Variants in NID1 observed in about 807,000 individuals in gnomAD.
NID1 encodes nidogen 1.
Under a neutral mutation model 130.6 loss-of-function variants are expected in NID1, and 76 were observed. The observed-to-expected ratio is 0.58, with a 90% CI of 0.48 to 0.70. The LOEUF (loss-of-function observed/expected upper bound fraction) is 0.70, where lower values mean the gene tolerates loss of function less well. Ranked by LOEUF, NID1 falls within the 30% of genes least tolerant of loss-of-function variation. The pLI is 0.00. For missense variants in NID1, 1,517 were observed against 1,664.8 expected, an observed-to-expected ratio of 0.91 and a Z score of 1.54; for synonymous variants, 665 against 675.1, an observed-to-expected ratio of 0.98 and a Z score of 0.23.
In NID1 at chr1:235,994,021, C is replaced by T. The variant is rs913220730; in HGVS notation, c.2528-149G>A. On this transcript the variant is annotated intron_variant, in intron 12 of 19. Transcript: ENST00000264187. The stretch of plus-strand genomic sequence containing the variant: ...TTTGTTTCATCAGTTATTCAAAATG[C>T]AGAAACATCATTATTATTGAATAGG... The T allele has an allele frequency of 7.3e-5, 47 of 642,272 alleles. No homozygotes were observed. In the East Asian group the frequency reaches 1.2e-3, roughly 17 times the overall value. The allele number at this position is 642,272 out of a possible 1,614,324, so 39.8% of individuals were successfully genotyped here.
At chr1:235,981,008 C>T (rs886212928) in intron 16 of NID1, among the ~76,000 whole-genome samples, 6 of 152,088 alleles carry the variant, frequency 3.9e-5, no homozygotes, top group Admixed American at 3.3e-4. Context: ...CACAGCAGAC[C>T]CAGGGGACCA....
chr1:236,020,494 G>A (rs1186815171), intron 9 of NID1, among the ~76,000 whole-genome samples: 2 of 152,116 alleles, frequency 1.3e-5, no homozygotes, highest in Non-Finnish European at 2.9e-5. Flanking sequence ...GAGAAACAGC[G>A]GGAGCCATCC....
intron 12 of NID1, among the ~76,000 whole-genome samples, chr1:236,007,591 C>G (rs1478851654): frequency 6.6e-6 from 1 of 152,224 alleles, no homozygotes; most frequent in Non-Finnish European, 1.5e-5. Flanking sequence ...CTCTCTCTCT[C>G]TCTCTCCTTT....
chr1:236,019,246 G>A lies in NID1; in HGVS notation c.2129-1973C>T, dbSNP rs560721230. On this transcript the variant is annotated intron_variant, in intron 9 of 19. Coordinates refer to ENST00000264187, the MANE Select transcript of NID1 (RefSeq NM_002508.3). ...TTCACAGCTCCATCCATCAGCTGCC[G>A]CTGCAACATGGGAGAAAAAAGGGGC... 5.9e-5 allele frequency among the ~76,000 whole-genome samples: 9 copies of A among 152,322 alleles called. No individual in the cohort carries two copies. In the South Asian group the frequency reaches 6.2e-4, roughly 11 times the overall value.
At chr1:236,006,327 C>T (rs749128882) in intron 12 of NID1, among the ~76,000 whole-genome samples, 6 of 152,108 alleles carry the variant, frequency 3.9e-5, no homozygotes, top group Non-Finnish European at 5.9e-5. Flanking sequence ...ATCAATAGCT[C>T]CTAACATCAC....
intron 8 of NID1, among the ~76,000 whole-genome samples, chr1:236,024,494 G>A (rs1658865588): frequency 6.6e-6 from 1 of 152,260 alleles, no homozygotes; most frequent in Non-Finnish European, 1.5e-5. Flanking sequence ...GACATGTCGT[G>A]ATAGAGACTG....
At chr1:235,978,016 G>T in intron 19 of NID1, 28 bp from the exon 20 acceptor site, 1 of 1,611,944 alleles carries the variant, frequency 6.2e-7, no homozygotes, top group Non-Finnish European at 8.5e-7. Flanking sequence ...CAGTTCAATA[G>T]CCCTCTCTCT....
chr1:236,040,386 A>G (rs1057171463), intron 4 of NID1, among the ~76,000 whole-genome samples: 15 of 152,116 alleles, frequency 9.9e-5, no homozygotes, highest in African/African-American at 3.4e-4. Flanking sequence ...TAAGCACCCC[A>G]TCTCGTCCAC....
chr1:236,055,381 AAAG>A (rs1348384622), intron 1 of NID1, among the ~76,000 whole-genome samples: 4 of 152,112 alleles, frequency 2.6e-5, no homozygotes, highest in African/African-American at 4.8e-5. Flanking sequence ...GACATCAATG[AAAG>A]AAGATTAGTC....
At position 236,063,479 on chromosome 1, in the gene NID1, A is replaced by T. The variant is rs560188778; in HGVS notation, c.225+1376T>A. 9.3e-3 allele frequency among the ~76,000 whole-genome samples: 1,378 copies of T among 148,440 alleles called. 17 individuals carry two copies. The highest frequency in any genetic ancestry group is 0.027 in the African/African-American group (1,070 of 39,668). Reference sequence around the variant, plus strand: ...AGAGAGAGACTCTGTCTCAAAAAAAAAAATAAATAAATAAATAAATAAATA... The same window carrying T: ...AGAGAGAGACTCTGTCTCAAAAAAATAAATAAATAAATAAATAAATAAATA... On this transcript the variant is annotated intron_variant, in intron 1 of 19. Coordinates refer to ENST00000264187, the MANE Select transcript of NID1 (RefSeq NM_002508.3).
At chr1:236,026,312 T>C (rs984302164) in intron 7 of NID1, among the ~76,000 whole-genome samples, 171 bp from the exon 8 acceptor site, 1 of 152,208 alleles carries the variant, frequency 6.6e-6, no homozygotes, top group Non-Finnish European at 1.5e-5. Context: ...TTGTTTGTAT[T>C]GAGACTCATT....
chr1:236,046,531 G>A (rs1659606155), intron 2 of NID1, among the ~76,000 whole-genome samples: 1 of 152,054 alleles, frequency 6.6e-6, no homozygotes. Flanking sequence ...CAAGCAGGAG[G>A]AAGCTGCCAC....
At chr1:236,055,454 T>C (rs1243323624) in intron 1 of NID1, among the ~76,000 whole-genome samples, 1 of 151,980 alleles carries the variant, frequency 6.6e-6, no homozygotes, top group African/African-American at 2.4e-5. Flanking sequence ...TATTTTTGAG[T>C]ATATTTGAAA....
intron 1 of NID1, among the ~76,000 whole-genome samples, chr1:236,049,207 T>C (rs1659696245): frequency 6.6e-6 from 1 of 152,140 alleles, no homozygotes; most frequent in African/African-American, 2.4e-5. Context: ...CAAATCCTAG[T>C]GAATTTACTC....
chr1:235,981,695 G>C lies in NID1; in HGVS notation c.3143C>G (p.Ala1048Gly), dbSNP rs767149099. ...CCGGCGCTGCGTGCCGTCCAGCTTC[G>C]CCACTTCTATTCGATCCAGGTTAGA... is the stretch of plus-strand genomic sequence containing the variant. ...TDSNLDRIEV[A>G]KLDGTQRRVL... Residue 1048 changes from alanine (A) to glycine (G), a missense_variant, in exon 16 of 20, where the codon GCG becomes GGG. Transcript: ENST00000264187. 1 of 1,614,100 alleles carries C rather than the reference G, an allele frequency of 6.2e-7. No homozygotes were observed. The highest frequency in any genetic ancestry group is 8.5e-7 in the Non-Finnish European group (1 of 1,180,042).
At chr1:235,978,077 C>G (rs1397182083) in intron 19 of NID1, 89 bp from the exon 20 acceptor site, 70 of 1,497,490 alleles carry the variant, frequency 4.7e-5, no homozygotes, top group Non-Finnish European at 6.2e-5. Flanking sequence ...TGTGTGTGAT[C>G]CCCCTTTTAG....
Position 236,065,085 on chromosome 1 carries a change from C to G in NID1, c.-6G>C. 6.5e-7 allele frequency: 1 copy of G among 1,549,170 alleles called. No homozygotes were observed. Among genetic ancestry groups the G allele is most frequent in the Non-Finnish European group, 8.7e-7 (1 of 1,146,422 alleles). ...CGGCTGCTCGAGGCCAACATGTTCC[C>G]GAACTGCGGTCCCGCAAACCCGGTC... On this transcript the variant is annotated 5_prime_UTR_variant, in exon 1 of 20. Coordinates refer to ENST00000264187, the MANE Select transcript of NID1 (RefSeq NM_002508.3). This position sits in a 1 kb window ranked among gnomAD's most constrained non-coding sequence, Gnocchi z 4.1.
At chr1:236,055,288 A>G (rs1164029178) in intron 1 of NID1, among the ~76,000 whole-genome samples, 3 of 151,908 alleles carry the variant, frequency 2.0e-5, no homozygotes, top group African/African-American at 7.3e-5. Context: ...TGGGCGACAG[A>G]GCAAGACTCC....
intron 1 of NID1, among the ~76,000 whole-genome samples, chr1:236,061,648 T>C (rs1660040258): frequency 6.6e-6 from 1 of 151,974 alleles, no homozygotes. Context: ...GTATTTTTAG[T>C]AGAGATGAGG....
Sources: gnomAD v4.1 joint callset for allele counts (sites outside exome capture counted in the v4.1 genomes callset) on GRCh38, gnomAD v4.1.1 for gene constraint, Gnocchi (gnomAD v3.1) non-coding constraint, MANE v1.5 for transcripts, NCBI Gene and HGNC (gene_info 2026-07-23, HGNC 2026-07-21) for gene names.